Variants in CLTC observed in about 807,000 individuals in gnomAD.
The protein encoded by CLTC is clathrin heavy chain, also known as clathrin heavy chain 1.
Under a neutral mutation model 195.8 loss-of-function variants are expected in CLTC, and 16 were observed. That is an observed-to-expected ratio of 0.08 (90% CI 0.06 to 0.12). CLTC has a LOEUF of 0.12. Among genes scored for constraint, CLTC ranks in the 10% least tolerant of loss-of-function variants. The pLI, the probability that CLTC is intolerant of heterozygous loss-of-function variation, is 1.00. For synonymous variants in CLTC, 667 were observed against 689.4 expected, an observed-to-expected ratio of 0.97 and a Z score of 0.51; for missense variants, 796 against 2,027.0, an observed-to-expected ratio of 0.39 and a Z score of 11.66.
At chr17:59,689,383 T>A (rs971809552) in intron 30 of CLTC, 1 of 152,216 alleles carries the variant, frequency 6.6e-6, no homozygotes, top group Non-Finnish European at 1.5e-5. Context: ...TTAATCTTTT[T>A]AGGACCTGGT....
At chr17:59,675,504 G>C (rs2032946770) in intron 16 of CLTC, among the ~76,000 whole-genome samples, 1 of 152,030 alleles carries the variant, frequency 6.6e-6, no homozygotes, top group South Asian at 2.1e-4. Context: ...AAGTCTGTGG[G>C]TTTCATTTTA....
Position 59,685,592 on chromosome 17 carries a change from A to G in CLTC, c.4611A>G (p.Ala1537=). The G allele has an allele frequency of 6.2e-7, 1 of 1,613,028 alleles. No individual in the cohort carries two copies. Among genetic ancestry groups the G allele is most frequent in the Non-Finnish European group, 8.5e-7 (1 of 1,179,042 alleles). Residue 1537 remains alanine (A), a synonymous_variant, in exon 30 of 32, where the codon GCA becomes GCG. Transcript: ENST00000269122. This position sits in a 1 kb window ranked among gnomAD's most constrained non-coding sequence, Gnocchi z 5.0. ...TTCACTATTTCTTTGAATAGGATGC[A>G]ATGCAGTATGCTTCTGAATCTAAAG... The part of the protein sequence containing the change: ...LCKKDSLYKD[A]MQYASESKDT...
intron 28 of CLTC, 98 bp from the exon 29 acceptor site, chr17:59,684,956 CAT>C (rs1414840835): frequency 8.3e-6 from 7 of 843,486 alleles, no homozygotes; most frequent in African/African-American, 1.7e-5. Context: ...ATCTAGGTGT[CAT>C]ATTACATGTT....
At chr17:59,673,612 A>G (rs1404916887) in intron 14 of CLTC, 35 bp from the exon 15 acceptor site, 4 of 1,565,422 alleles carry the variant, frequency 2.6e-6, no homozygotes, top group East Asian at 2.2e-5. Flanking sequence ...TCATAGAAGA[A>G]ATTTAAAGTT....
chr17:59,693,758 C>A lies in CLTC; in HGVS notation c.4934C>A (p.Pro1645His), dbSNP rs756935113. The A allele has an allele frequency of 1.9e-6, 3 of 1,613,734 alleles. No homozygotes were observed. In the South Asian group the frequency reaches 3.3e-5, roughly 18 times the overall value. The change falls in exon 32 of 32, where the codon CCC (proline) becomes CAC (histidine). Residue 1645 changes from proline (P) to histidine (H), a missense_variant. Transcript: ENST00000269122. ...CCCCAGTTGATGCTGACAGCAGGAC[C>A]CAGTGTTGCCGTCCCTCCCCAGGCA... ...GQPQLMLTAG[P>H]SVAVPPQAPF...
chr17:59,654,397 C>T (rs1387329124), intron 5 of CLTC, among the ~76,000 whole-genome samples: 2 of 150,592 alleles, frequency 1.3e-5, no homozygotes, highest in East Asian at 2.0e-4. Flanking sequence ...AGGCTGGTCT[C>T]GAACTCCTGA....
chr17:59,636,572 C>T (rs2031866583), intron 1 of CLTC, among the ~76,000 whole-genome samples: 1 of 151,648 alleles, frequency 6.6e-6, no homozygotes, highest in South Asian at 2.1e-4. Flanking sequence ...TGGTCTTGAA[C>T]CGAACTCCTG....
At chr17:59,692,866 C>G (rs2033339376) in intron 31 of CLTC, among the ~76,000 whole-genome samples, 1 of 152,080 alleles carries the variant, frequency 6.6e-6, no homozygotes, top group Admixed American at 6.5e-5. Flanking sequence ...TGTCCAACTC[C>G]TGACCTAATG....
chr17:59,684,092 C>T, intron 28 of CLTC, 107 bp downstream of exon 28: 3 of 665,364 alleles, frequency 4.5e-6, no homozygotes, highest in Non-Finnish European at 2.6e-6. Context: ...TAGGTGCTTG[C>T]ATACCTAGGA....
At position 59,695,046 on chromosome 17, in the gene CLTC, C is replaced by G. The variant is rs1042081837; in HGVS notation, c.*1194C>G. 1 of 210,294 alleles carries G rather than the reference C, an allele frequency of 4.8e-6. No homozygotes were observed. Among genetic ancestry groups the G allele is most frequent in the African/African-American group, 2.3e-5 (1 of 44,010 alleles). The allele number at this position is 210,294 out of a possible 1,614,324, so 13.0% of individuals were successfully genotyped here. ...AGTGACACCGAGGTTTTTATCGAAG[C>G]ATTTCACTTAAATGAACAAATCATG... On this transcript the variant is annotated 3_prime_UTR_variant, in exon 32 of 32. Transcript: ENST00000269122.
At chr17:59,625,213 ATTC>A (rs1567923183) in intron 1 of CLTC, among the ~76,000 whole-genome samples, 1 of 151,640 alleles carries the variant, frequency 6.6e-6, no homozygotes, top group South Asian at 2.1e-4. Context: ...GGTTCAAGTG[ATTC>A]TTCTGCCTCT....
rs956262041 is a variant in CLTC at position 59,681,948 on chromosome 17, T to G, written c.3442+109T>G. ...AGAGTTGGATACTGCATGGTTTCTT[T>G]TAGTGCTCCATCTTAGTCCAGATAA... On this transcript the variant is annotated intron_variant, in intron 21 of 31. Coordinates refer to ENST00000269122, the MANE Select transcript of CLTC (RefSeq NM_004859.4). The surrounding 1 kb of genome is among the most constrained non-coding windows in gnomAD (Gnocchi z 5.0). 20 of 999,084 alleles carry G rather than the reference T, an allele frequency of 2.0e-5. No homozygotes were observed. Among genetic ancestry groups the G allele is most frequent in the Non-Finnish European group, 2.5e-5 (17 of 689,974 alleles). 61.9% of individuals were successfully genotyped at this position (999,084 alleles called of 1,614,324 possible). A position where few individuals can be genotyped will look rare whatever the true frequency, so the allele number is the denominator to read the frequency against.
Position 59,682,940 on chromosome 17 carries a change from C to T in CLTC, c.3799C>T (p.Arg1267Cys), listed in dbSNP as rs1351855076. The change falls in exon 24 of 32, where the codon CGT (arginine) becomes TGT (cysteine). Residue 1267 changes from arginine to cysteine, a missense_variant. This residue lies in a region of CLTC where 102 missense variants were observed against 317.6 expected (regional missense o/e 0.32). Coordinates refer to ENST00000269122, the MANE Select transcript of CLTC (RefSeq NM_004859.4). This position sits in a 1 kb window ranked among gnomAD's most constrained non-coding sequence, Gnocchi z 6.8. ...CFACVDGKEF[R>C]LAQMCGLHIV... Reference sequence around the variant, plus strand: ...CGCCTGTGTAGATGGGAAAGAATTCCGTCTTGCTCAGATGTGTGGACTTCA... The same window carrying T: ...CGCCTGTGTAGATGGGAAAGAATTCTGTCTTGCTCAGATGTGTGGACTTCA... 1.9e-6 allele frequency: 3 copies of T among 1,614,016 alleles called. No individual in the cohort carries two copies. The highest frequency in any genetic ancestry group is 1.7e-5 in the Admixed American group (1 of 60,008).
chr17:59,658,984 C>G (rs1390559388), intron 6 of CLTC, among the ~76,000 whole-genome samples: 1 of 152,120 alleles, frequency 6.6e-6, no homozygotes, highest in Non-Finnish European at 1.5e-5. Flanking sequence ...AGACTGTTAC[C>G]TATCTATCTA....
At position 59,647,468 on chromosome 17, in the gene CLTC, T is replaced by A. The variant is rs188309190; in HGVS notation, c.321T>A (p.Asp107Glu). 3.4e-5 allele frequency: 55 copies of A among 1,613,972 alleles called. No individual in the cohort carries two copies. Among genetic ancestry groups the A allele is most frequent in the Middle Eastern group, 1.6e-4 (1 of 6,062 alleles). ...SKMKAHTMTD[D>E]VTFWKWISLN... ...TGAAGGCTCATACCATGACTGATGATGTCACCTTTTGGAAATGGATCTCTT... is the reference window on the plus strand; with the variant it reads ...TGAAGGCTCATACCATGACTGATGAAGTCACCTTTTGGAAATGGATCTCTT... Residue 107 changes from aspartate to glutamate, a missense_variant, in exon 3 of 32, where the codon GAT (aspartate) becomes GAA (glutamate). By Grantham distance (45) the Asp-to-Glu change is conservative. Around this residue, in one of 9 missense-constraint regions of CLTC, gnomAD observed 293 missense variants for 795.6 expected, o/e 0.37. Transcript: ENST00000269122.
chr17:59,668,766 G>C lies in CLTC; in HGVS notation c.2129-11G>C. On this transcript the variant is annotated splice_polypyrimidine_tract_variant and intron_variant, in intron 13 of 31. Coordinates refer to ENST00000269122, the MANE Select transcript of CLTC (RefSeq NM_004859.4). ...TGCCTATGCTTAATTGTAATTACTT[G>C]TTTCTTTAAGGTCTCTTTTATTTTC... 3 of 1,579,856 alleles carry C rather than the reference G, an allele frequency of 1.9e-6. No individual in the cohort carries two copies. Among genetic ancestry groups the C allele is most frequent in the Non-Finnish European group, 2.6e-6 (3 of 1,168,608 alleles).
chr17:59,674,722 G>A lies in CLTC; in HGVS notation c.2440G>A (p.Val814Ile). The A allele has an allele frequency of 6.2e-7, 1 of 1,612,750 alleles. No individual in the cohort carries two copies. The highest frequency in any genetic ancestry group is 8.5e-7 in the Non-Finnish European group (1 of 1,179,408). The part of the protein sequence containing the change: ...VQKVNPSRLP[V>I]VIGGLLDVDC... Reference sequence around the variant, plus strand: ...ACAGGTGAATCCAAGTCGACTTCCTGTAGTTATTGGAGGATTACTTGATGT... The same window carrying A: ...ACAGGTGAATCCAAGTCGACTTCCTATAGTTATTGGAGGATTACTTGATGT... Residue 814 changes from valine to isoleucine, a missense_variant, in exon 16 of 32, where the codon GTA becomes ATA. This residue lies in a region of CLTC where 160 missense variants were observed against 448.2 expected (regional missense o/e 0.36). Coordinates refer to ENST00000269122, the MANE Select transcript of CLTC (RefSeq NM_004859.4).
chr17:59,686,880 T>C, intron 30 of CLTC: 1 of 481,724 alleles, frequency 2.1e-6, no homozygotes, highest in Non-Finnish European at 2.7e-6. Flanking sequence ...TTTTCACTTC[T>C]CTCATACCTT....
rs893420687 is a variant in CLTC at position 59,696,687 on chromosome 17, G to A, written c.*2835G>A. The A allele has an allele frequency of 4.8e-6, 1 of 208,224 alleles. No homozygotes were observed. The highest frequency in any genetic ancestry group is 9.8e-6 in the Non-Finnish European group (1 of 102,368). 12.9% of individuals were successfully genotyped at this position (208,224 alleles called of 1,614,324 possible). ...AAAAAAGGCACCCTTAATTGTCAAA[G>A]TTAGTTCTAGGAAAAAATACTAGCA... On this transcript the variant is annotated 3_prime_UTR_variant, in exon 32 of 32. Transcript: ENST00000269122.
Sources: gnomAD v4.1 joint callset for allele counts (sites outside exome capture counted in the v4.1 genomes callset) on GRCh38, gnomAD v4.1.1 for gene constraint, gnomAD v4.1.1 regional missense constraint, Gnocchi (gnomAD v3.1) non-coding constraint, MANE v1.5 for transcripts, NCBI Gene and HGNC (gene_info 2026-07-23, HGNC 2026-07-21) for gene names.